CRB1: variants seen among roughly 807,000 people sequenced by gnomAD.
CRB1 encodes protein crumbs homolog 1.
CRB1 carries 83 observed loss-of-function variants against 120.0 expected under a neutral mutation model. The observed-to-expected ratio is 0.69, with a 90% CI of 0.58 to 0.83. The LOEUF is 0.83. Among genes scored for constraint, CRB1 ranks in the 40% least tolerant of loss-of-function variants. The pLI is 0.00. For missense variants in CRB1, 1,699 were observed against 1,687.6 expected, an observed-to-expected ratio of 1.01 and a Z score of -0.12; for synonymous variants, 625 against 612.5, an observed-to-expected ratio of 1.02 and a Z score of -0.30.
At chr1:197,244,232 T>G in the CRB1 span, among the ~76,000 whole-genome samples, 1 of 152,166 alleles carries the variant, frequency 6.6e-6, no homozygotes, top group African/African-American at 2.4e-5. Context: ...GTTAGCTGGC[T>G]ATTTTGCCCA....
chr1:197,444,515 C>A (rs780155274), intron 11 of CRB1: 2 of 152,166 alleles, frequency 1.3e-5, no homozygotes, highest in African/African-American at 4.8e-5. Flanking sequence ...ATAGTTTTCA[C>A]ATTTACTCCC....
At chr1:197,211,676 T>A in the CRB1 span, among the ~76,000 whole-genome samples, 1 of 152,192 alleles carries the variant, frequency 6.6e-6, no homozygotes, top group African/African-American at 2.4e-5. Flanking sequence ...GCTTATAAAA[T>A]TTGGGGGTTA....
chr1:197,382,771 A>C (rs1662021350), intron 5 of CRB1, among the ~76,000 whole-genome samples: 1 of 152,220 alleles, frequency 6.6e-6, no homozygotes, highest in South Asian at 2.1e-4. Flanking sequence ...ACTCTGTGCC[A>C]GGCACTGTTG....
At chr1:197,207,445 A>G in the CRB1 span, among the ~76,000 whole-genome samples, 1,075 of 152,246 alleles carry the variant, frequency 7.1e-3, 11 homozygotes, top group African/African-American at 0.024. Context: ...GTTAGCCTGA[A>G]AAAAGACTGT....
intron 11 of CRB1, among the ~76,000 whole-genome samples, chr1:197,469,145 G>A (rs542955999): frequency 6.6e-6 from 1 of 152,236 alleles, no homozygotes; most frequent in South Asian, 2.1e-4. Flanking sequence ...GCTTGAGCCC[G>A]GGAGGTCAAG....
the CRB1 span, chr1:197,222,387 T>C: frequency 1.3e-6 from 1 of 765,066 alleles, no homozygotes; most frequent in Non-Finnish European, 2.4e-6. Context: ...AAACCTTTCT[T>C]GGCCAGGACT....
chr1:197,477,574 T>G (rs1016357201), intron 11 of CRB1, 90 bp from the exon 12 acceptor site: 2 of 1,207,466 alleles, frequency 1.7e-6, no homozygotes, highest in Non-Finnish European at 2.4e-6. Context: ...CTTGCTCTGG[T>G]TGGTCTTCAT....
At chr1:197,470,636 A>G (rs1385743646) in intron 11 of CRB1, among the ~76,000 whole-genome samples, 1 of 152,262 alleles carries the variant, frequency 6.6e-6, no homozygotes, top group East Asian at 1.9e-4. Flanking sequence ...AGAGAAAAAT[A>G]TGAAAGCAAT....
Position 197,435,052 on chromosome 1 carries a change from C to A in CRB1, c.3189C>A (p.Thr1063=), listed in dbSNP as rs370428071. 4.3e-6 allele frequency: 7 copies of A among 1,613,788 alleles called. No homozygotes were observed. Among genetic ancestry groups the A allele is most frequent in the South Asian group, 1.1e-5 (1 of 91,072 alleles). ...TGGACAACGAAACACCTTTTGTGAC[C>A]AGCACAATTGCTACTGGAAGCCTCA... ...MEVDNETPFV[T]STIATGSLNF... The change falls in exon 9 of 12, where the codon ACC becomes ACA. Residue 1063 remains threonine (T), a synonymous_variant. Transcript: ENST00000367400.
chr1:197,338,247 GA>G (rs545084321), intron 2 of CRB1, among the ~76,000 whole-genome samples: 147 of 152,130 alleles, frequency 9.7e-4, no homozygotes, highest in African/African-American at 3.4e-3. Context: ...AGTGTAGGGG[GA>G]AAGTCATTCG....
intron 5 of CRB1, among the ~76,000 whole-genome samples, chr1:197,399,323 C>T (rs1225109245): frequency 6.6e-6 from 1 of 152,120 alleles, no homozygotes; most frequent in Non-Finnish European, 1.5e-5. Context: ...TCCTTGATGT[C>T]TTTCATCTGT....
Position 197,478,207 on chromosome 1 carries a change from T to G in CRB1, c.*328T>G. The G allele has an allele frequency of 2.9e-6, 1 of 341,858 alleles. No individual in the cohort carries two copies. The highest frequency in any genetic ancestry group is 5.6e-6 in the Non-Finnish European group (1 of 179,930). 21.2% of individuals were successfully genotyped at this position (341,858 alleles called of 1,614,324 possible). A position where few individuals can be genotyped will look rare whatever the true frequency, so the allele number is the denominator to read the frequency against. ...TTCCTCTTTTCAACCTGGGAACAAATTTTAGTTTTCATTTTAGGTTTCTGT... is the reference window on the plus strand; with the variant it reads ...TTCCTCTTTTCAACCTGGGAACAAAGTTTAGTTTTCATTTTAGGTTTCTGT... On this transcript the variant is annotated 3_prime_UTR_variant, in exon 12 of 12. Coordinates refer to ENST00000367400, the MANE Select transcript of CRB1 (RefSeq NM_201253.3).
intron 3 of CRB1, among the ~76,000 whole-genome samples, chr1:197,345,630 C>T (rs1255260608): frequency 1.3e-5 from 2 of 150,182 alleles, no homozygotes; most frequent in South Asian, 2.1e-4. Context: ...GCCTCAGTCT[C>T]CTGAGTAGCT....
chr1:197,451,082 G>T (rs1665949572), intron 11 of CRB1, among the ~76,000 whole-genome samples: 1 of 151,954 alleles, frequency 6.6e-6, no homozygotes. Flanking sequence ...ATAATGTAAT[G>T]CATTGATTTG....
At chr1:197,408,573 C>G (rs1051068539) in intron 5 of CRB1, among the ~76,000 whole-genome samples, 16 of 152,126 alleles carry the variant, frequency 1.1e-4, no homozygotes, top group African/African-American at 3.6e-4. Context: ...AAATGACAAA[C>G]AGCACTGCTA....
At position 197,361,248 on chromosome 1, in the gene CRB1, T is replaced by C. The variant is rs529798416; in HGVS notation, c.1171+4235T>C. ...GTCTGGTTTTAAGATCAAGGTAGTA[T>C]TGACCTCATAAAATAAGTTGGAAAA... On this transcript the variant is annotated intron_variant, in intron 5 of 11. Coordinates refer to ENST00000367400, the MANE Select transcript of CRB1 (RefSeq NM_201253.3). 9.5e-4 allele frequency among the ~76,000 whole-genome samples: 145 copies of C among 152,066 alleles called. 5 individuals are homozygous for C. The South Asian group carries it at 0.029, about 30-fold the overall frequency.
chr1:197,242,320 A>C, the CRB1 span, among the ~76,000 whole-genome samples: 1 of 152,178 alleles, frequency 6.6e-6, no homozygotes, highest in African/African-American at 2.4e-5. Flanking sequence ...GTTTTGTCAT[A>C]TATAGCTCTT....
At chr1:197,236,194 C>CATTT in the CRB1 span, among the ~76,000 whole-genome samples, 1 of 84,198 alleles carries the variant, frequency 1.2e-5, no homozygotes, top group African/African-American at 4.8e-5. Context: ...GCTTTTATTT[C>CATTT]CTTTTTTTTT....
In CRB1 at chr1:197,429,732, G is replaced by A. The variant is rs1028913526; in HGVS notation, c.2842+118G>A. On this transcript the variant is annotated intron_variant, in intron 8 of 11. Transcript: ENST00000367400. ...CAGTTTATTAAATTAATCTATGGTTGTTTCCCCTATGCGAGTAGGCTAATA... is the reference window on the plus strand; with the variant it reads ...CAGTTTATTAAATTAATCTATGGTTATTTCCCCTATGCGAGTAGGCTAATA... 5.5e-6 allele frequency: 6 copies of A among 1,092,370 alleles called. No homozygotes were observed. In the East Asian group the frequency reaches 1.5e-4, roughly 28 times the overall value. The allele number at this position is 1,092,370 out of a possible 1,614,324, so 67.7% of individuals were successfully genotyped here.
Sources: gnomAD v4.1 joint callset for allele counts (sites outside exome capture counted in the v4.1 genomes callset) on GRCh38, gnomAD v4.1.1 for gene constraint, MANE v1.5 for transcripts, NCBI Gene and HGNC (gene_info 2026-07-23, HGNC 2026-07-21) for gene names.